TXLNB: variants seen among roughly 807,000 people sequenced by gnomAD.
TXLNB encodes the protein taxilin beta.
Under a neutral mutation model 57.4 loss-of-function variants are expected in TXLNB, and 37 were observed. The observed-to-expected ratio is 0.64, with a 90% confidence interval of 0.50 to 0.85. TXLNB has a LOEUF of 0.85. Among genes scored for constraint, TXLNB ranks in the 40% least tolerant of loss-of-function variants. The pLI is 0.00. For synonymous variants in TXLNB, 302 were observed against 309.6 expected, an observed-to-expected ratio of 0.98 and a Z score of 0.26; for missense variants, 848 against 825.6, an observed-to-expected ratio of 1.03 and a Z score of -0.33.
At chr6:139,224,326 T>C in the TXLNB span, among the ~76,000 whole-genome samples, 3 of 144,770 alleles carry the variant, frequency 2.1e-5, no homozygotes, top group Admixed American at 6.9e-5. Flanking sequence ...AGGGATAGCA[T>C]TGGGAGATAT....
At chr6:139,269,609 A>C (rs1248616277) in intron 4 of TXLNB, among the ~76,000 whole-genome samples, 1 of 152,380 alleles carries the variant, frequency 6.6e-6, no homozygotes, top group Non-Finnish European at 1.5e-5. Flanking sequence ...TCAATTGTAC[A>C]AATTCAGCAG....
the TXLNB span, among the ~76,000 whole-genome samples, chr6:139,215,927 C>T: frequency 6.6e-6 from 1 of 151,802 alleles, no homozygotes; most frequent in African/African-American, 2.4e-5. Flanking sequence ...CAATGAGATA[C>T]CATCTCACAC....
chr6:139,280,448 C>T (rs1777019049), intron 2 of TXLNB, among the ~76,000 whole-genome samples: 2 of 152,168 alleles, frequency 1.3e-5, no homozygotes, highest in Admixed American at 1.3e-4. Flanking sequence ...GGAGAACCAG[C>T]CTGGCCAATA....
chr6:139,310,451 T>C, the TXLNB span, among the ~76,000 whole-genome samples: 2 of 152,180 alleles, frequency 1.3e-5, no homozygotes, highest in African/African-American at 4.8e-5. Context: ...ACAGAAGCTA[T>C]CTATCCTACA....
chr6:139,275,935 T>C (rs1018983878), intron 3 of TXLNB, among the ~76,000 whole-genome samples: 1 of 152,236 alleles, frequency 6.6e-6, no homozygotes, highest in African/African-American at 2.4e-5. Flanking sequence ...GATTTTTTGC[T>C]ATATGTAGTC....
At chr6:139,317,936 A>G in the TXLNB span, among the ~76,000 whole-genome samples, 2,347 of 152,202 alleles carry the variant, frequency 0.015, 26 homozygotes, top group South Asian at 0.035. Context: ...AGAAGAAAAG[A>G]TCTCATCAGA....
intron 9 of TXLNB, 126 bp downstream of exon 9, chr6:139,244,469 G>T: frequency 1.5e-6 from 1 of 678,206 alleles, no homozygotes; most frequent in Non-Finnish European, 2.6e-6. Flanking sequence ...GTCACATCCT[G>T]CCACCCCAAA....
the TXLNB span, among the ~76,000 whole-genome samples, chr6:139,218,959 T>C: frequency 5.9e-5 from 9 of 152,258 alleles, no homozygotes. Context: ...TTTGAGTATA[T>C]TTTGTCAATT....
the TXLNB span, among the ~76,000 whole-genome samples, chr6:139,193,260 T>A: frequency 6.7e-6 from 1 of 148,380 alleles, no homozygotes; most frequent in Non-Finnish European, 1.5e-5. Flanking sequence ...TTTTTTTTTT[T>A]ATCATTGTCT....
At chr6:139,313,152 A>G in the TXLNB span, among the ~76,000 whole-genome samples, 1 of 151,090 alleles carries the variant, frequency 6.6e-6, no homozygotes, top group African/African-American at 2.4e-5. Flanking sequence ...GGCTCGCTGC[A>G]AGCTCTGCCT....
the TXLNB span, among the ~76,000 whole-genome samples, chr6:139,223,979 A>G: frequency 7.4e-5 from 11 of 147,980 alleles, no homozygotes; most frequent in African/African-American, 2.8e-4. Flanking sequence ...TCATGGTGCT[A>G]TAAAGACACA....
chr6:139,253,485 A>C (rs183317404), intron 7 of TXLNB, among the ~76,000 whole-genome samples: 166 of 152,248 alleles, frequency 1.1e-3, no homozygotes, highest in Non-Finnish European at 2.0e-3. Context: ...TTGATTCATT[A>C]TAGCATTTTC....
intron 8 of TXLNB, among the ~76,000 whole-genome samples, chr6:139,246,309 C>T (rs952579753): frequency 3.3e-5 from 5 of 152,048 alleles, no homozygotes; most frequent in Non-Finnish European, 7.4e-5. Context: ...AGAACTGTAA[C>T]ATTTAACAAG....
intron 2 of TXLNB, among the ~76,000 whole-genome samples, chr6:139,287,831 C>G (rs1246235601): frequency 6.6e-6 from 1 of 152,090 alleles, no homozygotes; most frequent in Non-Finnish European, 1.5e-5. Flanking sequence ...TTTTCCTTTT[C>G]CCGTTTTTGC....
upstream of TXLNB, among the ~76,000 whole-genome samples, chr6:139,293,080 A>G (rs951434448): frequency 2.0e-5 from 3 of 152,156 alleles, no homozygotes; most frequent in Admixed American, 1.3e-4. Flanking sequence ...GGGTGGGTTC[A>G]ATGTAATCAT....
chr6:139,222,421 G>A, the TXLNB span, among the ~76,000 whole-genome samples: 1 of 152,094 alleles, frequency 6.6e-6, no homozygotes, highest in African/African-American at 2.4e-5. Context: ...TCATAATAAA[G>A]TGGCCAATCC....
chr6:139,258,237 A>G (rs1026305258), intron 6 of TXLNB, among the ~76,000 whole-genome samples: 3 of 152,248 alleles, frequency 2.0e-5, no homozygotes, highest in East Asian at 1.9e-4. Context: ...CTGAACCAAA[A>G]CAGGTGCTAG....
chr6:139,210,841 G>A, the TXLNB span, among the ~76,000 whole-genome samples: 5,160 of 152,318 alleles, frequency 0.034, 232 homozygotes, highest in African/African-American at 0.1. Context: ...TATATCCCGC[G>A]CCTAGCTCGG....
the TXLNB span, among the ~76,000 whole-genome samples, chr6:139,192,844 TC>T: frequency 6.6e-6 from 1 of 151,968 alleles, no homozygotes; most frequent in East Asian, 1.9e-4. Context: ...ACGCCTGTAT[TC>T]CCAGCTACTT....
Sources: gnomAD v4.1 joint callset for allele counts (sites outside exome capture counted in the v4.1 genomes callset) on GRCh38, gnomAD v4.1.1 for gene constraint, MANE v1.5 for transcripts, NCBI Gene and HGNC (gene_info 2026-07-23, HGNC 2026-07-21) for gene names.